The following METTL2B variants were observed in gnomAD, a reference collection of about 807,000 sequenced individuals.
The protein encoded by METTL2B is methyltransferase 2B, tRNA N3-cytidine.
In METTL2B, 28 loss-of-function variants were observed where a neutral mutation model predicts 51.0. That is an observed-to-expected ratio of 0.55 (90% confidence interval 0.41 to 0.75). The LOEUF (loss-of-function observed/expected upper bound fraction) is 0.75, where lower values mean the gene tolerates loss of function less well. METTL2B is among the 30% of genes least tolerant of loss of function. The probability of loss-of-function intolerance (pLI) is 0.00; values close to 1 mark genes in which losing one functional copy is unlikely to be tolerated. For synonymous variants in METTL2B, 128 were observed against 166.3 expected (o/e 0.77, Z 1.77); for missense variants, 313 against 460.7 (o/e 0.68, Z 2.93).
In METTL2B at chr7:128,502,749, A is replaced by G; in HGVS notation, c.*833A>G. 2.9e-6 allele frequency: 1 copy of G among 349,650 alleles called. No individual in the cohort carries two copies. The highest frequency in any genetic ancestry group is 9.4e-5 in the East Asian group (1 of 10,602). The allele number at this position is 349,650 out of a possible 1,614,324, so 21.7% of individuals were successfully genotyped here. A position where few individuals can be genotyped will look rare whatever the true frequency, so the allele number is the denominator to read the frequency against. On this transcript the variant is annotated 3_prime_UTR_variant, in exon 9 of 9. Coordinates refer to ENST00000262432, the MANE Select transcript of METTL2B (RefSeq NM_018396.3). ...CCCCGTCTCTACTAAAGATAAAAAA[A>G]TTAGCTGGGTGTGTTGGTGGGTGCC...
At chr7:128,478,590 C>T (rs932697062) in intron 2 of METTL2B, among the ~76,000 whole-genome samples, 2 of 148,692 alleles carry the variant, frequency 1.3e-5, no homozygotes, top group African/African-American at 2.5e-5. Flanking sequence ...TCTGGCTGGG[C>T]GCGATGACTC....
chr7:128,505,829 G>A lies in METTL2B; in HGVS notation c.*3913G>A, dbSNP rs1793113053. 1 of 152,058 alleles carries A rather than the reference G, an allele frequency of 6.6e-6. No individual in the cohort carries two copies. The highest frequency in any genetic ancestry group is 6.6e-5 in the Admixed American group (1 of 15,224). 9.4% of individuals were successfully genotyped at this position (152,058 alleles called of 1,614,324 possible). ...ACCCATGGGTATTTGAGTTTCTTGT[G>A]GGGTTATTTGTTGTTGTTTTTGAGA... On this transcript the variant is annotated 3_prime_UTR_variant, in exon 9 of 9. Transcript: ENST00000262432.
At chr7:128,485,038 C>T (rs1158713011) in intron 4 of METTL2B, among the ~76,000 whole-genome samples, 2 of 152,166 alleles carry the variant, frequency 1.3e-5, no homozygotes, top group African/African-American at 2.4e-5. Flanking sequence ...GCAACCACTA[C>T]TCTACAAATG....
chr7:128,499,943 G>A (rs1191090229), intron 7 of METTL2B, among the ~76,000 whole-genome samples: 3 of 152,190 alleles, frequency 2.0e-5, no homozygotes, highest in African/African-American at 7.2e-5. Flanking sequence ...CCTCTGGATA[G>A]GGAGATGTCG....
Position 128,492,948 on chromosome 7 carries a change from GT to G in METTL2B, c.670-845del, listed in dbSNP as rs906790009. On this transcript the variant is annotated intron_variant, in intron 5 of 8. Coordinates refer to ENST00000262432, the MANE Select transcript of METTL2B (RefSeq NM_018396.3). ...ATGTGCTGTCTCTCTCCTTATGAAT[GT>G]TTTTTTTTTTCCCTGTTGGTCACTC... Among the ~76,000 whole-genome samples, 260 of 146,634 alleles carry G rather than the reference GT, an allele frequency of 1.8e-3. 2 individuals are homozygous for G. Among genetic ancestry groups the G allele is most frequent in the Middle Eastern group, 7.2e-3 (2 of 276 alleles).
intron 6 of METTL2B, 24 bp from the exon 7 acceptor site, chr7:128,498,012 C>T (rs1792954321): frequency 6.2e-7 from 1 of 1,611,570 alleles, no homozygotes; most frequent in Admixed American, 1.7e-5. Flanking sequence ...ACCTGATTAA[C>T]TATAATTCCC....
chr7:128,479,614 T>C (rs1799848558), intron 3 of METTL2B, 101 bp downstream of exon 3: 1 of 1,292,314 alleles, frequency 7.7e-7, no homozygotes, highest in Non-Finnish European at 1.1e-6. Flanking sequence ...TTCTATTGGA[T>C]GATGCTGACT....
chr7:128,501,802 A>T lies in METTL2B; in HGVS notation c.1023A>T (p.Lys341Asn). The T allele has an allele frequency of 6.2e-7, 1 of 1,614,166 alleles. No individual in the cohort carries two copies. The highest frequency in any genetic ancestry group is 2.2e-5 in the East Asian group (1 of 44,886). Residue 341 changes from lysine (K) to asparagine (N), a missense_variant, in exon 9 of 9, where the codon AAA (lysine) becomes AAT (asparagine). By Grantham distance (94) the Lys-to-Asn change is moderately conservative. Around this residue, in one of 4 missense-constraint regions of METTL2B, gnomAD observed 138 missense variants for 187.6 expected, o/e 0.74. Transcript: ENST00000262432. Reference protein sequence around the residue: ...DTLFTTAGLEKVQNLVDRRLQ... With the variant: ...DTLFTTAGLENVQNLVDRRLQ... ...TTTTCACCACTGCTGGACTGGAAAA[A>T]GTTCAGAATCTGGTGGACCGCCGAC...
rs986399339 is a variant in METTL2B at position 128,504,686 on chromosome 7, T to C, written c.*2770T>C. 9 of 147,298 alleles carry C rather than the reference T, an allele frequency of 6.1e-5. No individual in the cohort carries two copies. Among genetic ancestry groups the C allele is most frequent in the Admixed American group, 6.1e-4 (9 of 14,802 alleles). 9.1% of individuals were successfully genotyped at this position (147,298 alleles called of 1,614,324 possible). ...CTGACTTTTTAAAAAATGTTAAACA[T>C]AGGCCGGGTGCAGTGGCTCACGCCT... On this transcript the variant is annotated 3_prime_UTR_variant, in exon 9 of 9. Transcript: ENST00000262432.
At chr7:128,489,476 T>C (rs1157588841) in intron 5 of METTL2B, among the ~76,000 whole-genome samples, 1 of 151,648 alleles carries the variant, frequency 6.6e-6, no homozygotes, top group African/African-American at 2.4e-5. Context: ...AGTTTATTGC[T>C]AAAACATATT....
At chr7:128,478,282 C>T (rs1181587693) in intron 2 of METTL2B, among the ~76,000 whole-genome samples, 1 of 149,774 alleles carries the variant, frequency 6.7e-6, no homozygotes, top group Non-Finnish European at 1.5e-5. Flanking sequence ...GGCGGAGTCT[C>T]GCTCTGTCAC....
chr7:128,503,716 G>A lies in METTL2B; in HGVS notation c.*1800G>A, dbSNP rs539937033. 2.6e-5 allele frequency: 4 copies of A among 152,098 alleles called. No individual in the cohort carries two copies. The highest frequency in any genetic ancestry group is 1.9e-4 in the East Asian group (1 of 5,184). 9.4% of individuals were successfully genotyped at this position (152,098 alleles called of 1,614,324 possible). A position where few individuals can be genotyped will look rare whatever the true frequency, so the allele number is the denominator to read the frequency against. ...TAATTTTAGAAAGTAAGGACTTTTC[G>A]ACCAGGCATGGCGGCTCACGCCTAT... On this transcript the variant is annotated 3_prime_UTR_variant, in exon 9 of 9. Coordinates refer to ENST00000262432, the MANE Select transcript of METTL2B (RefSeq NM_018396.3).
chr7:128,500,620 T>C (rs1160758664), intron 7 of METTL2B, among the ~76,000 whole-genome samples: 1 of 149,478 alleles, frequency 6.7e-6, no homozygotes, highest in Non-Finnish European at 1.5e-5. Flanking sequence ...AAACTCTGTC[T>C]CAAAAAAAAT....
chr7:128,476,994 C>G lies in METTL2B; in HGVS notation c.111-88C>G, dbSNP rs556767059. The G allele has an allele frequency of 2.2e-3, 3,595 of 1,601,190 alleles. 2 individuals carry two copies. Among genetic ancestry groups the G allele is most frequent in the Admixed American group, 3.7e-3 (211 of 56,358 alleles). ...CAAGCTGCCCTACCCGAGGCACTCTCCAAGGGGAGAGAAACTCCTAGGCCA... is the reference window on the plus strand; with the variant it reads ...CAAGCTGCCCTACCCGAGGCACTCTGCAAGGGGAGAGAAACTCCTAGGCCA... On this transcript the variant is annotated intron_variant, in intron 1 of 8. Coordinates refer to ENST00000262432, the MANE Select transcript of METTL2B (RefSeq NM_018396.3).
intron 4 of METTL2B, among the ~76,000 whole-genome samples, chr7:128,487,503 C>G (rs1038751266): frequency 3.3e-5 from 5 of 152,138 alleles, no homozygotes; most frequent in Admixed American, 2.6e-4. Flanking sequence ...TTAAAATCAA[C>G]ATTTTTTGTG....
intron 4 of METTL2B, among the ~76,000 whole-genome samples, chr7:128,486,492 C>T (rs1183021655): frequency 6.6e-6 from 1 of 150,940 alleles, no homozygotes; most frequent in Non-Finnish European, 1.5e-5. Context: ...CCCAGCTACT[C>T]AGGAGGCTGA....
rs1799805102 is a variant in METTL2B, at chr7:128,476,811, A to T, written c.46A>T (p.Lys16Ter). 8 of 1,614,034 alleles carry T rather than the reference A, an allele frequency of 5.0e-6. No individual in the cohort carries two copies. Among genetic ancestry groups the T allele is most frequent in the Non-Finnish European group, 6.8e-6 (8 of 1,180,030 alleles). ...AGGTGCACCTGCAATCCTCGCCGATAAGAGGCAGCAGTTCGGAAGCCGGTT... is the reference window on the plus strand; with the variant it reads ...AGGTGCACCTGCAATCCTCGCCGATTAGAGGCAGCAGTTCGGAAGCCGGTT... ...PEGAPAILADKRQQFGSRFLS... is the reference protein window; with the variant it reads ...PEGAPAILAD The change falls in exon 1 of 9, where the codon AAG becomes TAG. Residue 16 changes from lysine (K) to a stop codon, truncating the protein, a stop_gained. Transcript: ENST00000262432. LOFTEE classifies it high-confidence loss of function.
Position 128,477,085 on chromosome 7 carries a change from C to A in METTL2B, c.114C>A (p.Asp38Glu). 1 of 1,614,138 alleles carries A rather than the reference C, an allele frequency of 6.2e-7. No homozygotes were observed. Among genetic ancestry groups the A allele is most frequent in the Non-Finnish European group, 8.5e-7 (1 of 1,180,040 alleles). The change falls in exon 2 of 9, where the codon GAC becomes GAA. Residue 38 changes from aspartate (D) to glutamate (E), a missense_variant. Asp to Glu is a conservative substitution (Grantham distance 45). Around this residue, in one of 4 missense-constraint regions of METTL2B, gnomAD observed 66 missense variants for 58.2 expected, o/e 1.13. Transcript: ENST00000262432. ...PARVFHHNAWDNVEWSEEQAA... is the reference protein window; with the variant it reads ...PARVFHHNAWENVEWSEEQAA... ...GCTGCCCGTTTGATTTTCTCAGGGA[C>A]AATGTGGAGTGGTCGGAAGAGCAAG...
At chr7:128,496,076 TC>T (rs1296606897) in intron 6 of METTL2B, among the ~76,000 whole-genome samples, 2 of 151,984 alleles carry the variant, frequency 1.3e-5, no homozygotes, top group African/African-American at 2.4e-5. Context: ...TCTCCCAGAG[TC>T]CAAGGACCCC....
Sources: allele counts gnomAD v4.1 joint callset (sites outside exome capture counted in the v4.1 genomes callset), GRCh38; gene constraint gnomAD v4.1.1; regional missense constraint gnomAD v4.1.1; transcripts MANE v1.5; gene names NCBI Gene and HGNC (gene_info 2026-07-23, HGNC 2026-07-21).